Variants in NAV2 observed in about 807,000 individuals in gnomAD.
NAV2 encodes the protein neuron navigator 2.
Under a neutral mutation model 223.2 loss-of-function variants are expected in NAV2, and 54 were observed. The observed-to-expected ratio is 0.24, with a 90% CI of 0.19 to 0.30. NAV2 has a LOEUF of 0.30. Among genes scored for constraint, NAV2 ranks in the 10% least tolerant of loss-of-function variants. The pLI, the probability that NAV2 is intolerant of heterozygous loss-of-function variation, is 1.00. For missense variants in NAV2, 2,806 were observed against 3,147.5 expected (o/e 0.89, Z 2.60); for synonymous variants, 1,279 against 1,239.3 (o/e 1.03, Z -0.67).
At chr11:19,690,339 C>T (rs1388047978) in intron 1 of NAV2, among the ~76,000 whole-genome samples, 1 of 152,200 alleles carries the variant, frequency 6.6e-6, no homozygotes, top group East Asian at 1.9e-4. Context: ...CTCCTCTCCT[C>T]ATCAGGCATA....
intron 1 of NAV2, among the ~76,000 whole-genome samples, chr11:19,678,608 C>T (rs1454567568): frequency 6.6e-6 from 1 of 152,182 alleles, no homozygotes; most frequent in Non-Finnish European, 1.5e-5. Flanking sequence ...TCTGAGGAGC[C>T]CGCAGATGGG....
intron 1 of NAV2, among the ~76,000 whole-genome samples, chr11:19,606,463 C>T (rs908056001): frequency 1.3e-5 from 2 of 152,136 alleles, no homozygotes; most frequent in Non-Finnish European, 2.9e-5. Context: ...TCGCTGACCT[C>T]ACTTCTCCAT....
intron 1 of NAV2, among the ~76,000 whole-genome samples, chr11:19,421,694 G>A (rs1422373249): frequency 2.2e-5 from 3 of 139,456 alleles, no homozygotes; most frequent in Non-Finnish European, 4.6e-5. Flanking sequence ...AATGGTGGGA[G>A]AAACAACATA....
At chr11:19,499,780 C>A (rs542198514) in intron 1 of NAV2, among the ~76,000 whole-genome samples, 24 of 152,200 alleles carry the variant, frequency 1.6e-4, no homozygotes, top group African/African-American at 5.8e-4. Flanking sequence ...AAATGTTGTT[C>A]TTTTGCCCCT....
At position 19,658,055 on chromosome 11, in the gene NAV2, C is replaced by T. The variant is rs952133836; in HGVS notation, c.76-174429C>T. ...ACACTGTTCTCTGGACTTTTGTTTG[C>T]GTTATAGTCATTTAATCACAAACAA... is the stretch of plus-strand genomic sequence containing the variant. On this transcript the variant is annotated intron_variant, in intron 1 of 37. Transcript: ENST00000360655. Among the ~76,000 whole-genome samples, 10 of 152,240 alleles carry T rather than the reference C, an allele frequency of 6.6e-5. No individual in the cohort carries two copies. The Middle Eastern group carries it at 0.01, about 156-fold the overall frequency.
At chr11:19,834,555 C>CTTTT (rs56112973) in intron 2 of NAV2, among the ~76,000 whole-genome samples, 2 of 147,568 alleles carry the variant, frequency 1.4e-5, no homozygotes, top group Non-Finnish European at 1.5e-5. Context: ...GAAGGGGTAC[C>CTTTT]TTTTTTTTTT....
chr11:20,089,926 A>G (rs554363964), intron 26 of NAV2, among the ~76,000 whole-genome samples: 1 of 152,306 alleles, frequency 6.6e-6, no homozygotes, highest in East Asian at 1.9e-4. Context: ...GGAAAAGAAG[A>G]TAATTAGCCA....
At position 19,739,705 on chromosome 11, in the gene NAV2, T is replaced by C. The variant is rs142463851; in HGVS notation, c.267+25743T>C. Among the ~76,000 whole-genome samples, 1,095 of 152,298 alleles carry C rather than the reference T, an allele frequency of 7.2e-3. 8 individuals carry two copies. Among genetic ancestry groups the C allele is most frequent in the Non-Finnish European group, 0.013 (860 of 68,024 alleles). On this transcript the variant is annotated intron_variant, in intron 1 of 37. Transcript: ENST00000349880. ...GTCAGCTTCTTGGCCCCTATGGGAA[T>C]TTGAGTTTATAATCCCTAGCTAAAC...
intron 20 of NAV2, among the ~76,000 whole-genome samples, chr11:20,066,192 A>G (rs2059031858): frequency 6.6e-6 from 1 of 152,260 alleles, no homozygotes; most frequent in Non-Finnish European, 1.5e-5. Flanking sequence ...TGCAGGCAAC[A>G]CAAGGTCAGG....
At chr11:19,959,162 C>T (rs1396473519) in intron 10 of NAV2, among the ~76,000 whole-genome samples, 2 of 152,134 alleles carry the variant, frequency 1.3e-5, no homozygotes, top group Non-Finnish European at 2.9e-5. Context: ...CCACCCTGTG[C>T]TCCCAGATTG....
chr11:19,746,207 T>A (rs998195498), intron 1 of NAV2, among the ~76,000 whole-genome samples: 8 of 152,212 alleles, frequency 5.3e-5, no homozygotes, highest in African/African-American at 1.9e-4. Flanking sequence ...TATATCTTTG[T>A]CCCTGAACAT....
rs138619572 is a variant in NAV2, at chr11:19,577,410, G to A, written c.75+226383G>A. On this transcript the variant is annotated intron_variant, in intron 1 of 37. Coordinates refer to the NAV2 transcript ENST00000360655. ...GGTGAAATACCACAAGGGTAGGGCC[G>A]CTGACAGGGAAGATCTGCCACGAGG... Among the ~76,000 whole-genome samples, 249 of 152,316 alleles carry A rather than the reference G, an allele frequency of 1.6e-3. 2 individuals carry two copies. The highest frequency in any genetic ancestry group is 5.7e-3 in the African/African-American group (237 of 41,568).
chr11:19,408,341 T>C (rs535230799), intron 1 of NAV2, among the ~76,000 whole-genome samples: 5 of 152,234 alleles, frequency 3.3e-5, no homozygotes, highest in Admixed American at 2.0e-4. Flanking sequence ...AGCAGACCCA[T>C]TGAGATCATG....
intron 11 of NAV2, among the ~76,000 whole-genome samples, chr11:20,001,079 G>A (rs774834238): frequency 2.6e-5 from 4 of 152,192 alleles, no homozygotes; most frequent in South Asian, 2.1e-4. Context: ...TATCACACCC[G>A]CCTCGTCCCC....
In NAV2 at chr11:20,082,989, A is replaced by G; in HGVS notation, c.5326-18A>G. 1 of 1,603,126 alleles carries G rather than the reference A, an allele frequency of 6.2e-7. No individual in the cohort carries two copies. Among genetic ancestry groups the G allele is most frequent in the Non-Finnish European group, 8.5e-7 (1 of 1,173,780 alleles). ...ATTGGTTGCCCCCGCTGTGAGACTG[A>G]CAGTCTTGTATATTCAGTTACGCAG... On this transcript the variant is annotated intron_variant, in intron 25 of 37. Transcript: ENST00000349880.
chr11:19,983,593 C>G lies in NAV2; in HGVS notation c.2646-532C>G, dbSNP rs532693158. 2.8e-4 allele frequency among the ~76,000 whole-genome samples: 42 copies of G among 152,296 alleles called. 2 individuals are homozygous for G. In the South Asian group the frequency reaches 8.3e-3, roughly 30 times the overall value. ...TCACAGGCCGTGATAGTCCTATAGC[C>G]TGGGTGAAAAACTCACCATCCAGGG... On this transcript the variant is annotated intron_variant, in intron 10 of 37. Transcript: ENST00000349880.
intron 1 of NAV2, among the ~76,000 whole-genome samples, chr11:19,670,365 G>A (rs575785970): frequency 6.6e-6 from 1 of 152,342 alleles, no homozygotes; most frequent in East Asian, 1.9e-4. Flanking sequence ...AAAAGGCCAA[G>A]CCACTCCTCC....
intron 1 of NAV2, among the ~76,000 whole-genome samples, chr11:19,555,174 G>T (rs1270544953): frequency 6.6e-6 from 1 of 152,184 alleles, no homozygotes; most frequent in African/African-American, 2.4e-5. Context: ...GCATGTCCTG[G>T]TAATGCCATC....
chr11:19,706,688 A>C (rs1405654220), intron 1 of NAV2, among the ~76,000 whole-genome samples: 2 of 152,248 alleles, frequency 1.3e-5, no homozygotes, highest in East Asian at 3.8e-4. Context: ...TAATGCCCAA[A>C]GCCAGGCACA....
Sources: gnomAD v4.1 joint callset for allele counts (sites outside exome capture counted in the v4.1 genomes callset) on GRCh38, gnomAD v4.1.1 for gene constraint, MANE v1.5 for transcripts, NCBI Gene and HGNC (gene_info 2026-07-23, HGNC 2026-07-21) for gene names.